The following ANK1 variants were observed in gnomAD, a reference collection of about 807,000 sequenced individuals.
ANK1 encodes ankyrin 1, also known as ankyrin-1.
In ANK1, 51 loss-of-function variants were observed where a neutral mutation model predicts 210.4. That is an observed-to-expected ratio of 0.24 (90% CI 0.19 to 0.31). The LOEUF (loss-of-function observed/expected upper bound fraction) is 0.31, where lower values mean the gene tolerates loss of function less well. Among genes scored for constraint, ANK1 ranks in the 10% least tolerant of loss-of-function variants. The probability of loss-of-function intolerance (pLI) is 1.00; values close to 1 mark genes in which losing one functional copy is unlikely to be tolerated. For missense variants in ANK1, 2,051 were observed against 2,504.4 expected (o/e 0.82, Z 3.86); for synonymous variants, 967 against 1,025.9 (o/e 0.94, Z 1.10).
At chr8:41,745,953 G>T (rs1235375521) in intron 2 of ANK1, among the ~76,000 whole-genome samples, 1 of 152,194 alleles carries the variant, frequency 6.6e-6, no homozygotes, top group Admixed American at 6.5e-5. Context: ...GAACTCCTGG[G>T]CTCAAGCCAT....
intron 2 of ANK1, among the ~76,000 whole-genome samples, chr8:41,750,577 CCA>C (rs1416800915): frequency 6.7e-6 from 1 of 150,054 alleles, no homozygotes; most frequent in Non-Finnish European, 1.5e-5. Flanking sequence ...TTTTTTTTTT[CCA>C]CACAGTCTGT....
chr8:41,772,158 A>G (rs1421114234), intron 1 of ANK1, among the ~76,000 whole-genome samples: 1 of 152,116 alleles, frequency 6.6e-6, no homozygotes, highest in Admixed American at 6.5e-5. Flanking sequence ...TAACCCTCCT[A>G]TGCAATCAAC....
chr8:41,754,091 C>G (rs1838467546), intron 2 of ANK1, among the ~76,000 whole-genome samples: 2 of 152,180 alleles, frequency 1.3e-5, no homozygotes, highest in Admixed American at 6.5e-5. Flanking sequence ...CTGTTTGTGT[C>G]ATTATTTGAT....
chr8:41,749,390 C>T (rs57429285), intron 2 of ANK1, among the ~76,000 whole-genome samples: 7,534 of 149,930 alleles, frequency 0.05, 640 homozygotes, highest in African/African-American at 0.17. Flanking sequence ...CTTCGCCTCC[C>T]GGGTTCAAGT....
At chr8:41,728,378 G>A (rs975272406) in intron 3 of ANK1, among the ~76,000 whole-genome samples, 6 of 152,202 alleles carry the variant, frequency 3.9e-5, no homozygotes, top group Admixed American at 1.3e-4. Flanking sequence ...ATGTGCACAC[G>A]TGGACATACA....
chr8:41,712,016 C>T (rs770226316), intron 16 of ANK1, among the ~76,000 whole-genome samples: 32 of 152,076 alleles, frequency 2.1e-4, no homozygotes, highest in Admixed American at 4.6e-4. Context: ...TCTCTGCCTC[C>T]CGGGTTCAAG....
At chr8:41,665,789 G>A (rs1462498622) in intron 39 of ANK1, 4 of 159,608 alleles carry the variant, frequency 2.5e-5, no homozygotes, top group Non-Finnish European at 5.5e-5. Context: ...CAGCCCACAG[G>A]CCCTTGCACC....
At chr8:41,661,786 C>T (rs745958821) in intron 41 of ANK1, 90 bp downstream of exon 41, 15 of 1,613,126 alleles carry the variant, frequency 9.3e-6, no homozygotes, top group Middle Eastern at 1.6e-4. Flanking sequence ...CCCAGGGCCG[C>T]GGGCGCCTCA....
At chr8:41,703,900 C>T (rs938824322) in intron 20 of ANK1, 141 bp downstream of exon 20, 18 of 751,088 alleles carry the variant, frequency 2.4e-5, no homozygotes, top group South Asian at 2.0e-4. Context: ...CCCAGGGTAC[C>T]CAAGGTAGCT....
intron 1 of ANK1, among the ~76,000 whole-genome samples, chr8:41,860,397 C>T (rs1587473723): frequency 6.6e-6 from 1 of 152,158 alleles, no homozygotes; most frequent in Non-Finnish European, 1.5e-5. Context: ...GCCCACAATG[C>T]GGAGCAGTCA....
rs190588873 is a variant in ANK1 at position 41,718,888 on chromosome 8, C to A, written c.1108-684G>T. On this transcript the variant is annotated intron_variant, in intron 10 of 42. Coordinates refer to ENST00000289734, the MANE Select transcript of ANK1 (RefSeq NM_000037.4). ...AACACACAAGACCACAAATATCGAC[C>A]CCAAATGTCAACAGTCCTGAGGCTG... Among the ~76,000 whole-genome samples the A allele has an allele frequency of 5.0e-3, 765 of 152,310 alleles. 3 individuals are homozygous for A. The highest frequency in any genetic ancestry group is 8.2e-3 in the Non-Finnish European group (561 of 68,024).
chr8:41,772,810 C>G (rs1169624388), intron 1 of ANK1, among the ~76,000 whole-genome samples: 5 of 152,168 alleles, frequency 3.3e-5, no homozygotes, highest in African/African-American at 1.2e-4. Flanking sequence ...TCCTCACCCA[C>G]CCAAGGAGCC....
chr8:41,684,395 AG>A (rs1817056032), intron 37 of ANK1, 148 bp downstream of exon 37: 3 of 1,287,428 alleles, frequency 2.3e-6, no homozygotes, highest in Non-Finnish European at 3.3e-6. Context: ...CCCGGAAAGG[AG>A]GAACTTGTTG....
chr8:41,858,345 C>CAA (rs59851207), intron 1 of ANK1, among the ~76,000 whole-genome samples: 6 of 96,938 alleles, frequency 6.2e-5, no homozygotes, highest in African/African-American at 2.0e-4. Context: ...GACTCCATCT[C>CAA]AAAAAAAAAA....
At chr8:41,761,499 G>A (rs1042954835) in intron 1 of ANK1, among the ~76,000 whole-genome samples, 1 of 152,220 alleles carries the variant, frequency 6.6e-6, no homozygotes, top group East Asian at 1.9e-4. Context: ...TCTGGGAGGT[G>A]GAGGCTCATA....
chr8:41,746,309 T>C (rs1295364034), intron 2 of ANK1, among the ~76,000 whole-genome samples: 1 of 152,150 alleles, frequency 6.6e-6, no homozygotes, highest in Non-Finnish European at 1.5e-5. Flanking sequence ...GCAACTGCCG[T>C]AACCCTAGTG....
intron 1 of ANK1, among the ~76,000 whole-genome samples, chr8:41,782,225 T>C (rs369289007): frequency 6.6e-6 from 1 of 152,134 alleles, no homozygotes; most frequent in Admixed American, 6.5e-5. Flanking sequence ...AATATTTCCA[T>C]AGAGAGCTTT....
intron 1 of ANK1, among the ~76,000 whole-genome samples, chr8:41,879,221 T>G (rs1817157005): frequency 6.6e-6 from 1 of 152,124 alleles, no homozygotes; most frequent in East Asian, 1.9e-4. Flanking sequence ...AGTTAATCAG[T>G]GGGGACCCCA....
At chr8:41,835,633 A>G (rs1243238999) in intron 1 of ANK1, among the ~76,000 whole-genome samples, 2 of 152,212 alleles carry the variant, frequency 1.3e-5, no homozygotes. Flanking sequence ...CAGAGCCCAC[A>G]CTGGCCGCAG....
Sources: allele counts gnomAD v4.1 joint callset (sites outside exome capture counted in the v4.1 genomes callset), GRCh38; gene constraint gnomAD v4.1.1; transcripts MANE v1.5; gene names NCBI Gene and HGNC (gene_info 2026-07-23, HGNC 2026-07-21).